REG4: variants seen among roughly 807,000 people sequenced by gnomAD.
The protein encoded by REG4 is regenerating islet-derived protein 4.
A neutral mutation model predicts 22.3 loss-of-function variants in REG4; 16 were observed. The ratio of observed to expected loss-of-function variants is 0.72; its 90% CI spans 0.49 to 1.09. REG4 has a LOEUF of 1.09. Among genes scored for constraint, REG4 ranks in the 50% least tolerant of loss-of-function variants. The pLI is 0.00. For missense variants in REG4, 214 were observed against 193.9 expected (o/e 1.10, Z -0.61); for synonymous variants, 71 against 69.2 (o/e 1.03, Z -0.13).
chr1:119,809,190 G>A (rs1654425084), intron 1 of REG4: 1 of 155,366 alleles, frequency 6.4e-6, no homozygotes, highest in Non-Finnish European at 1.4e-5. Flanking sequence ...CAGGTAAGAC[G>A]GATATGGGCA....
At chr1:119,801,179 A>G (rs1054207114) in intron 3 of REG4, 4 of 152,196 alleles carry the variant, frequency 2.6e-5, no homozygotes, top group African/African-American at 9.6e-5. Flanking sequence ...ATATGGGTGT[A>G]TGTATATAAA....
At chr1:119,804,153 C>T (rs17024295) in intron 2 of REG4, among the ~76,000 whole-genome samples, 2 of 152,184 alleles carry the variant, frequency 1.3e-5, no homozygotes, top group Admixed American at 1.3e-4. Flanking sequence ...CCTTCTGACA[C>T]CATGGTGGGT....
intron 1 of REG4, among the ~76,000 whole-genome samples, chr1:119,810,184 T>C (rs1283381474): frequency 6.6e-6 from 1 of 152,152 alleles, no homozygotes; most frequent in Non-Finnish European, 1.5e-5. Context: ...ATTTTTAAAT[T>C]TATATCAAAA....
chr1:119,803,385 A>G (rs755741512), intron 2 of REG4, among the ~76,000 whole-genome samples: 1 of 152,068 alleles, frequency 6.6e-6, no homozygotes, highest in Admixed American at 6.5e-5. Context: ...CGATTACTGG[A>G]CACTGCCTCT....
At chr1:119,802,729 T>C (rs1654151265) in intron 3 of REG4, 2 of 1,447,740 alleles carry the variant, frequency 1.4e-6, no homozygotes, top group Non-Finnish European at 1.8e-6. Flanking sequence ...GAAACTCCAT[T>C]ATCCTTTCTG....
At position 119,798,613 on chromosome 1, in the gene REG4, A is replaced by C. The variant is rs3213910; in HGVS notation, c.304-11T>G. The C allele has an allele frequency of 0.012, 18,606 of 1,611,452 alleles. 656 individuals carry two copies. The highest frequency in any genetic ancestry group is 0.086 in the East Asian group (3,857 of 44,878). The stretch of plus-strand genomic sequence containing the variant: ...CTGCCACTGCTGCCTCTGCAACAAC[A>C]GGAGATGGAGAAGTGTACAGCTCAG... On this transcript the variant is annotated splice_polypyrimidine_tract_variant and intron_variant, in intron 4 of 5. Coordinates refer to ENST00000256585, the MANE Select transcript of REG4 (RefSeq NM_032044.4).
chr1:119,810,262 T>C (rs1654456648), intron 1 of REG4, among the ~76,000 whole-genome samples: 1 of 152,230 alleles, frequency 6.6e-6, no homozygotes, highest in South Asian at 2.1e-4. Context: ...GTCTGGGCTT[T>C]GTTTTAACAT....
intron 2 of REG4, among the ~76,000 whole-genome samples, chr1:119,807,574 G>C (rs915398226): frequency 6.6e-6 from 1 of 152,150 alleles, no homozygotes; most frequent in East Asian, 1.9e-4. Context: ...ACATAGAAAT[G>C]GCCACAGAAG....
chr1:119,796,031 G>A (rs1276614893), intron 5 of REG4, among the ~76,000 whole-genome samples: 1 of 152,236 alleles, frequency 6.6e-6, no homozygotes, highest in East Asian at 1.9e-4. Context: ...TGCAGGGAAG[G>A]GTGACTGAGA....
intron 3 of REG4, among the ~76,000 whole-genome samples, chr1:119,800,603 A>G (rs1445284112): frequency 6.6e-6 from 1 of 152,182 alleles, no homozygotes; most frequent in Non-Finnish European, 1.5e-5. Flanking sequence ...CTAAGCCTAT[A>G]TTGTGTTTAT....
rs756363605 is a variant in REG4 at position 119,808,700 on chromosome 1, C to A, written c.67+3G>T. 181 of 1,611,610 alleles carry A rather than the reference C, an allele frequency of 1.1e-4. 1 individual carries two copies. The highest frequency in any genetic ancestry group is 9.6e-4 in the South Asian group (87 of 90,998). On this transcript the variant is annotated splice_donor_region_variant and intron_variant, in intron 2 of 5. Transcript: ENST00000256585. Reference sequence around the variant, plus strand: ...CAGTTCCAGCTACGTGATGGATACTCACCACCCAGGACTCCTGTTTTGGCC... The same window carrying A: ...CAGTTCCAGCTACGTGATGGATACTAACCACCCAGGACTCCTGTTTTGGCC...
At chr1:119,810,283 C>CT (rs1165857233) in intron 1 of REG4, among the ~76,000 whole-genome samples, 1 of 152,076 alleles carries the variant, frequency 6.6e-6, no homozygotes, top group African/African-American at 2.4e-5. Context: ...AAGTATGAAA[C>CT]TGAGTTCTGG....
intron 2 of REG4, among the ~76,000 whole-genome samples, chr1:119,806,258 T>C (rs1288274620): frequency 1.3e-5 from 2 of 152,176 alleles, no homozygotes; most frequent in African/African-American, 4.8e-5. Context: ...CACACATTTA[T>C]TGAGCATTTA....
chr1:119,808,284 A>G (rs1654385807), intron 2 of REG4, among the ~76,000 whole-genome samples: 1 of 152,206 alleles, frequency 6.6e-6, no homozygotes, highest in Non-Finnish European at 1.5e-5. Flanking sequence ...TATAAGCGCC[A>G]TCTCTCTAAC....
intron 2 of REG4, among the ~76,000 whole-genome samples, chr1:119,808,494 A>G (rs1654393255): frequency 6.6e-6 from 1 of 152,226 alleles, no homozygotes; most frequent in South Asian, 2.1e-4. Flanking sequence ...CTGATGATTT[A>G]AGTATGGGTT....
rs373182467 is a variant in REG4 at position 119,799,752 on chromosome 1, T to C, written c.276A>G (p.Ile92Met). The part of the protein sequence containing the change: ...YISGYQRSQP[I>M]WIGLHDPQKR... ...TCTGTGGGTCGTGCAGGCCAATCCATATCGGCTGGCTTCTCTGATAGCCAC... is the reference window on the plus strand; with the variant it reads ...TCTGTGGGTCGTGCAGGCCAATCCACATCGGCTGGCTTCTCTGATAGCCAC... Residue 92 changes from isoleucine (I) to methionine (M), a missense_variant, in exon 4 of 6, where the codon ATA becomes ATG. Coordinates refer to ENST00000256585, the MANE Select transcript of REG4 (RefSeq NM_032044.4). 1 of 1,614,000 alleles carries C rather than the reference T, an allele frequency of 6.2e-7. No individual in the cohort carries two copies. The highest frequency in any genetic ancestry group is 1.3e-5 in the African/African-American group (1 of 74,948).
chr1:119,807,832 AC>A (rs1380028857), intron 2 of REG4, among the ~76,000 whole-genome samples: 2 of 152,148 alleles, frequency 1.3e-5, no homozygotes, highest in Non-Finnish European at 2.9e-5. Context: ...GTCCTTCCAA[AC>A]CGTCCTACCC....
chr1:119,798,397 G>A, intron 5 of REG4, 100 bp downstream of exon 5: 1 of 863,264 alleles, frequency 1.2e-6, no homozygotes, highest in South Asian at 1.5e-5. Flanking sequence ...GGTGTGGAAT[G>A]AGGAGGGCAG....
rs56349823 is a variant in REG4 at position 119,795,832 on chromosome 1, A to C, written c.410-1147T>G. Among the ~76,000 whole-genome samples, 1,352 of 152,380 alleles carry C rather than the reference A, an allele frequency of 8.9e-3. 20 individuals are homozygous for C. The highest frequency in any genetic ancestry group is 0.031 in the African/African-American group (1,298 of 41,594). ...TGTGGGTACTTTCACAGTGTGGGGC[A>C]AAGAGAATACGGCACAAGGCCATGG... On this transcript the variant is annotated intron_variant, in intron 5 of 5. Transcript: ENST00000256585.
Sources: gnomAD v4.1 joint callset for allele counts (sites outside exome capture counted in the v4.1 genomes callset) on GRCh38, gnomAD v4.1.1 for gene constraint, MANE v1.5 for transcripts, NCBI Gene and HGNC (gene_info 2026-07-23, HGNC 2026-07-21) for gene names.